The following HEXB variants were observed in gnomAD, a reference collection of about 807,000 sequenced individuals.
HEXB encodes beta-hexosaminidase subunit beta.
A neutral mutation model predicts 71.2 loss-of-function variants in HEXB; 51 were observed. The ratio of observed to expected loss-of-function variants is 0.72; its 90% CI spans 0.57 to 0.90. The LOEUF is 0.90. Among genes scored for constraint, HEXB ranks in the 40% least tolerant of loss-of-function variants. The probability of loss-of-function intolerance (pLI) is 0.00; values close to 1 mark genes in which losing one functional copy is unlikely to be tolerated. For missense variants in HEXB, 617 were observed against 677.0 expected, an observed-to-expected ratio of 0.91 and a Z score of 0.98; for synonymous variants, 266 against 249.3, an observed-to-expected ratio of 1.07 and a Z score of -0.63.
rs1394775593 is a variant in HEXB, at chr5:74,715,571, T to C, written c.963T>C (p.Pro321=). Residue 321 remains proline, a synonymous_variant, in exon 8 of 14, where the codon CCT becomes CCC. Transcript: ENST00000261416. ...SRQNKLDSFG[P]INPTLNTTYS... Reference sequence around the variant, plus strand: ...AAAACAAGTTGGACTCTTTTGGACCTATAAACCCTACTCTGAATACAACAT... The same window carrying C: ...AAAACAAGTTGGACTCTTTTGGACCCATAAACCCTACTCTGAATACAACAT... The C allele has an allele frequency of 1.2e-6, 2 of 1,612,026 alleles. No individual in the cohort carries two copies. The highest frequency in any genetic ancestry group is 1.3e-5 in the African/African-American group (1 of 74,886).
chr5:74,659,684 C>A (rs1748283682), intron 1 of HEXB, among the ~76,000 whole-genome samples: 1 of 152,160 alleles, frequency 6.6e-6, no homozygotes, highest in South Asian at 2.1e-4. Context: ...TGGGAAAAAC[C>A]ATGGATTTTG....
intron 1 of HEXB, among the ~76,000 whole-genome samples, chr5:74,653,314 C>G (rs994920000): frequency 6.6e-6 from 1 of 152,078 alleles, no homozygotes; most frequent in African/African-American, 2.4e-5. Flanking sequence ...CACAGTAATC[C>G]CACTCCTGGA....
rs768985989 is a variant in HEXB, at chr5:74,718,836, G to A, written c.1282G>A (p.Ala428Thr). ...AATAGTTGAAGTATGGAAAGACAGC[G>A]CATATCCTGAGGAACTCAGTAGAGT... ...GTIVEVWKDSAYPEELSRVTA... is the reference protein window; with the variant it reads ...GTIVEVWKDSTYPEELSRVTA... Residue 428 changes from alanine to threonine, a missense_variant, in exon 11 of 14, where the codon GCA becomes ACA. Physicochemically the swap from Ala to Thr is moderately conservative, Grantham distance 58 (BLOSUM62 0). Transcript: ENST00000261416. The A allele has an allele frequency of 1.2e-5, 20 of 1,613,978 alleles. No individual in the cohort carries two copies. The highest frequency in any genetic ancestry group is 5.0e-5 in the Admixed American group (3 of 59,992).
intron 9 of HEXB, among the ~76,000 whole-genome samples, 182 bp from the exon 10 acceptor site, chr5:74,718,109 A>AT (rs1749720581): frequency 1.3e-5 from 2 of 152,310 alleles, no homozygotes; most frequent in South Asian, 4.1e-4. Context: ...GTTCTGTATC[A>AT]AGTGCTAAAA....
chr5:74,712,194 C>T (rs1446611402), intron 6 of HEXB, among the ~76,000 whole-genome samples: 1 of 149,072 alleles, frequency 6.7e-6, no homozygotes, highest in East Asian at 2.0e-4. Flanking sequence ...AAAAGCCAAA[C>T]ACCGCATATT....
chr5:74,720,723 C>T lies in HEXB; in HGVS notation c.1589C>T (p.Thr530Ile), dbSNP rs531151091. Reference sequence around the variant, plus strand: ...ATGGATGACGCCTATGACAGACTGACAAGGCACCGCTGCAGGATGGTCGAG... The same window carrying T: ...ATGGATGACGCCTATGACAGACTGATAAGGCACCGCTGCAGGATGGTCGAG... ...RDMDDAYDRL[T>I]RHRCRMVERG... Residue 530 changes from threonine (T) to isoleucine (I), a missense_variant, in exon 13 of 14, where the codon ACA becomes ATA. By Grantham distance (89) the Thr-to-Ile change is moderately conservative (BLOSUM62 -1). Coordinates refer to ENST00000261416, the MANE Select transcript of HEXB (RefSeq NM_000521.4). 1 of 1,613,664 alleles carries T rather than the reference C, an allele frequency of 6.2e-7. No individual in the cohort carries two copies. Among genetic ancestry groups the T allele is most frequent in the African/African-American group, 1.3e-5 (1 of 74,920 alleles).
intron 7 of HEXB, 45 bp from the exon 8 acceptor site, chr5:74,715,462 TATA>T: frequency 1.6e-6 from 2 of 1,272,778 alleles, no homozygotes; most frequent in South Asian, 2.4e-5. Flanking sequence ...ACCAGATCTT[TATA>T]ATGAGTACAC....
At chr5:74,707,872 T>C (rs1749440216) in intron 6 of HEXB, among the ~76,000 whole-genome samples, 1 of 152,192 alleles carries the variant, frequency 6.6e-6, no homozygotes. Context: ...CTCTGCAGGA[T>C]ATTATCCAGG....
chr5:74,674,605 GAAAA>G (rs1199567534), intron 1 of HEXB, among the ~76,000 whole-genome samples: 1 of 94,874 alleles, frequency 1.1e-5, no homozygotes, highest in Admixed American at 1.2e-4. Context: ...CTCTGTCTCA[GAAAA>G]AAAAAAAAAA....
Position 74,641,405 on chromosome 5 carries a change from G to A in HEXB, c.-377+847G>A, listed in dbSNP as rs538248083. 1 of 152,262 alleles carries A rather than the reference G, an allele frequency of 6.6e-6. No individual in the cohort carries two copies. Among genetic ancestry groups the A allele is most frequent in the Non-Finnish European group, 1.5e-5 (1 of 68,078 alleles). The allele number at this position is 152,262 out of a possible 1,614,324, so 9.4% of individuals were successfully genotyped here. ...TCCCTCCCCACTCCCCAGTGGGTGC[G>A]GCACCCCCGGCTGGACTCTGCCCTA... On this transcript the variant is annotated intron_variant, in intron 1 of 13. Coordinates refer to the HEXB transcript ENST00000511181. This position sits in a 1 kb window ranked among gnomAD's most constrained non-coding sequence, Gnocchi z 4.1.
intron 1 of HEXB, among the ~76,000 whole-genome samples, chr5:74,688,590 G>T (rs912898942): frequency 1.3e-5 from 2 of 152,072 alleles, no homozygotes; most frequent in African/African-American, 2.4e-5. Flanking sequence ...TGATCCTCCC[G>T]CCTTGGCCTC....
At chr5:74,702,102 G>T (rs1234021845) in intron 5 of HEXB, among the ~76,000 whole-genome samples, 3 of 110,258 alleles carry the variant, frequency 2.7e-5, no homozygotes, top group Non-Finnish European at 5.2e-5. Flanking sequence ...TTTTTGAGAC[G>T]GAGTCTCGCT....
At chr5:74,691,622 C>T (rs563618333) in intron 2 of HEXB, among the ~76,000 whole-genome samples, 26 of 152,264 alleles carry the variant, frequency 1.7e-4, no homozygotes, top group African/African-American at 5.8e-4. Flanking sequence ...CAGGAACACA[C>T]GCATAAAGCA....
intron 2 of HEXB, among the ~76,000 whole-genome samples, chr5:74,692,664 T>C (rs891202795): frequency 6.6e-6 from 1 of 152,232 alleles, no homozygotes; most frequent in African/African-American, 2.4e-5. Flanking sequence ...GATAGAGCAC[T>C]TTTGCCTACC....
chr5:74,719,940 C>CA (rs71600436), intron 11 of HEXB: 12,126 of 79,734 alleles, frequency 0.15, 595 homozygotes, highest in Middle Eastern at 0.29. Context: ...GACTCCATCT[C>CA]AAAAAAAAAA....
chr5:74,655,312 CTTT>C (rs386404134), intron 1 of HEXB, among the ~76,000 whole-genome samples: 51,321 of 124,724 alleles, frequency 0.41, 10,374 homozygotes, highest in East Asian at 0.61. Context: ...AAGCATTAAA[CTTT>C]TTTTTTTTTT....
intron 1 of HEXB, 70 bp downstream of exon 1, chr5:74,685,629 G>A: frequency 1.4e-6 from 2 of 1,408,138 alleles, no homozygotes; most frequent in African/African-American, 1.5e-5. Flanking sequence ...GGAGCGCTGT[G>A]CAGACCCTCA....
rs1245510155 is a variant in HEXB at position 74,652,975 on chromosome 5, T to G, written c.-377+12417T>G. Among the ~76,000 whole-genome samples, 3 of 152,210 alleles carry G rather than the reference T, an allele frequency of 2.0e-5. No individual in the cohort carries two copies. The highest frequency in any genetic ancestry group is 7.2e-5 in the African/African-American group (3 of 41,448). ...GAAATGGAATTTATAGATAATAGAC[T>G]CTATTGAATATAACTTCAAAAAACT... On this transcript the variant is annotated intron_variant, in intron 1 of 13. Transcript: ENST00000511181. The surrounding 1 kb of genome is among the most constrained non-coding windows in gnomAD (Gnocchi z 5.4).
chr5:74,706,858 T>G (rs901529818), intron 6 of HEXB, among the ~76,000 whole-genome samples: 1 of 152,052 alleles, frequency 6.6e-6, no homozygotes, highest in Non-Finnish European at 1.5e-5. Context: ...AGGCTCCACC[T>G]CTGGGGGCAG....
Sources: allele counts gnomAD v4.1 joint callset (sites outside exome capture counted in the v4.1 genomes callset), GRCh38; gene constraint gnomAD v4.1.1; non-coding constraint Gnocchi (gnomAD v3.1); transcripts MANE v1.5; gene names NCBI Gene and HGNC (gene_info 2026-07-23, HGNC 2026-07-21).